Variants in KIF9 observed in about 807,000 individuals in gnomAD.
KIF9 encodes kinesin-like protein KIF9.
Under a neutral mutation model 94.8 loss-of-function variants are expected in KIF9, and 68 were observed. The observed-to-expected ratio is 0.72, with a 90% CI of 0.59 to 0.88. The LOEUF (loss-of-function observed/expected upper bound fraction) is 0.88. KIF9 is among the 40% of genes least tolerant of loss of function. KIF9 has a pLI of 0.00. For missense variants in KIF9, 882 were observed against 982.5 expected (o/e 0.90, Z 1.37); for synonymous variants, 343 against 362.1 (o/e 0.95, Z 0.60).
At position 47,241,861 on chromosome 3, in the gene KIF9, T is replaced by TATAC. The variant is rs199589606; in HGVS notation, c.1710-847_1710-846insGTAT. 7.7e-3 allele frequency among the ~76,000 whole-genome samples: 930 copies of TATAC among 120,086 alleles called. 8 individuals carry two copies. Among genetic ancestry groups the TATAC allele is most frequent in the East Asian group, 0.015 (60 of 4,134 alleles). The allele number at this position is 120,086 out of a possible 152,430, so 78.8% of individuals were successfully genotyped here. A position where few individuals can be genotyped will look rare whatever the true frequency, so the allele number is the denominator to read the frequency against. On this transcript the variant is annotated intron_variant, in intron 16 of 20. Transcript: ENST00000684063. ...TATATAAAATATATATATATATATATACACATATATATATATATATATATT... is the reference window on the plus strand; with the variant it reads ...TATATAAAATATATATATATATATATATACACACATATATATATATATATATATT...
chr3:47,270,290 G>C (rs1223977561), intron 5 of KIF9, among the ~76,000 whole-genome samples: 2 of 142,596 alleles, frequency 1.4e-5, no homozygotes, highest in Non-Finnish European at 3.1e-5. Flanking sequence ...TTTTGCTCTT[G>C]TTGCCCAGGT....
At chr3:47,255,663 T>C (rs369882853) in intron 10 of KIF9, among the ~76,000 whole-genome samples, 2 of 152,200 alleles carry the variant, frequency 1.3e-5, no homozygotes, top group East Asian at 3.8e-4. Flanking sequence ...TCTGCCAGTC[T>C]AGGGTAGAGC....
intron 9 of KIF9, among the ~76,000 whole-genome samples, chr3:47,258,900 C>T (rs926240757): frequency 2.0e-5 from 3 of 152,202 alleles, no homozygotes; most frequent in Admixed American, 1.3e-4. Flanking sequence ...GTGCATTTTA[C>T]ACTTGCATTA....
chr3:47,240,912 C>G lies in KIF9; in HGVS notation c.1813G>C (p.Glu605Gln). 3 of 1,614,184 alleles carry G rather than the reference C, an allele frequency of 1.9e-6. No individual in the cohort carries two copies. Among genetic ancestry groups the G allele is most frequent in the Non-Finnish European group, 1.7e-6 (2 of 1,180,040 alleles). Residue 605 changes from glutamate (E) to glutamine (Q), a missense_variant, in exon 17 of 21, where the codon GAA (glutamate) becomes CAA (glutamine). Glu to Gln is a conservative substitution (Grantham distance 29, BLOSUM62 2). Coordinates refer to ENST00000684063, the MANE Select transcript of KIF9 (RefSeq NM_182902.4). ...IFKENKSILN[E>Q]RRKRASETTQ... ...GTCTCGCTGGCCCTTTTCCTCCGTT[C>G]ATTCAAGATGGATTTGTTTTCTTTG... is the stretch of plus-strand genomic sequence containing the variant.
intron 2 of KIF9, among the ~76,000 whole-genome samples, chr3:47,275,952 T>C (rs1425215826): frequency 5.9e-5 from 9 of 152,192 alleles, no homozygotes; most frequent in African/African-American, 1.9e-4. Context: ...GGTGAACATC[T>C]ACTTCCACAC....
intron 12 of KIF9, 124 bp downstream of exon 12, chr3:47,247,249 C>G (rs1207726230): frequency 3.0e-6 from 2 of 659,846 alleles, no homozygotes; most frequent in Non-Finnish European, 5.6e-6. Context: ...GAGTCCAGCA[C>G]CACCCTCCAC....
intron 13 of KIF9, chr3:47,245,796 T>G (rs944783745): frequency 1.2e-5 from 6 of 511,566 alleles, no homozygotes; most frequent in Admixed American, 9.6e-5. Context: ...TGGGACCATG[T>G]GGGGTTCTGT....
intron 1 of KIF9, 78 bp downstream of exon 1, chr3:47,282,416 AC>A: frequency 3.0e-6 from 3 of 985,624 alleles, no homozygotes; most frequent in Non-Finnish European, 3.6e-6. Context: ...CGGTTTTTGG[AC>A]CCCAGCCACT....
In KIF9 at chr3:47,282,578, G is replaced by C. The variant is rs1702467413; in HGVS notation, c.-89C>G. ...TCCCCACGCGGGGCTGCCTGGCTGTGTACATAGTCGCCATGGCAACGGGTC... is the reference window on the plus strand; with the variant it reads ...TCCCCACGCGGGGCTGCCTGGCTGTCTACATAGTCGCCATGGCAACGGGTC... On this transcript the variant is annotated 5_prime_UTR_variant, in exon 1 of 21. The change creates a premature stop within an existing upstream ORF in the 5' untranslated region. Transcript: ENST00000684063. 2.8e-6 allele frequency: 3 copies of C among 1,082,232 alleles called. No homozygotes were observed. Among genetic ancestry groups the C allele is most frequent in the Non-Finnish European group, 3.4e-6 (3 of 886,396 alleles). 67.0% of individuals were successfully genotyped at this position (1,082,232 alleles called of 1,614,324 possible).
chr3:47,246,016 C>T, intron 13 of KIF9, 181 bp downstream of exon 13: 1 of 582,768 alleles, frequency 1.7e-6, no homozygotes, highest in Non-Finnish European at 3.1e-6. Flanking sequence ...CCATAAACAC[C>T]TCCTGTCCAA....
intron 3 of KIF9, among the ~76,000 whole-genome samples, chr3:47,274,389 A>G (rs1701833910): frequency 6.6e-6 from 1 of 152,206 alleles, no homozygotes; most frequent in African/African-American, 2.4e-5. Context: ...TCCCCTTAGC[A>G]TGGGCAGCCT....
At position 47,242,018 on chromosome 3, in the gene KIF9, G is replaced by A. The variant is rs146425730; in HGVS notation, c.1710-1003C>T. ...CATGCCTCAGCCTCCTGAGTAGCTC[G>A]GACTACAGGCATGTACTCCCATGCT... On this transcript the variant is annotated intron_variant, in intron 16 of 20. Transcript: ENST00000684063. 9.9e-3 allele frequency among the ~76,000 whole-genome samples: 1,494 copies of A among 151,104 alleles called. 28 individuals carry two copies. Among genetic ancestry groups the A allele is most frequent in the African/African-American group, 0.035 (1,440 of 41,086 alleles).
Position 47,240,844 on chromosome 3 carries a change from G to A in KIF9, c.1881C>T (p.Thr627=), listed in dbSNP as rs1699418915. 6.2e-7 allele frequency: 1 copy of A among 1,614,036 alleles called. No individual in the cohort carries two copies. The highest frequency in any genetic ancestry group is 8.5e-7 in the Non-Finnish European group (1 of 1,179,984). The part of the protein sequence containing the change: ...INAIKREIDV[T]KEALNFQKSL... ...ACTTCTGGAAATTCAGGGCCTCCTT[G>A]GTCACATCAATCTCCCGCTTGATGG... Residue 627 remains threonine (T), a synonymous_variant, in exon 17 of 21, where the codon ACC becomes ACT. Transcript: ENST00000684063.
intron 9 of KIF9, among the ~76,000 whole-genome samples, chr3:47,263,452 A>G (rs1576041961): frequency 1.3e-5 from 2 of 152,150 alleles, no homozygotes; most frequent in South Asian, 4.2e-4. Context: ...CTGCAGGAAA[A>G]CAGCCAAGGC....
rs897101354 is a variant in KIF9 at position 47,269,727 on chromosome 3, G to A, written c.591+1510C>T. Reference sequence around the variant, plus strand: ...AGCAATTCTCCTGCCTCAGCCCCCCGAGTAGCTGGGATTACAGGTGCCCAC... The same window carrying A: ...AGCAATTCTCCTGCCTCAGCCCCCCAAGTAGCTGGGATTACAGGTGCCCAC... On this transcript the variant is annotated intron_variant, in intron 5 of 20. Transcript: ENST00000684063. Among the ~76,000 whole-genome samples the A allele has an allele frequency of 2.7e-5, 4 of 149,196 alleles. No individual in the cohort carries two copies. In the South Asian group the frequency reaches 6.3e-4, roughly 24 times the overall value.
Position 47,282,697 on chromosome 3 carries a change from A to G in KIF9, c.-208T>C. 2 of 1,356,578 alleles carry G rather than the reference A, an allele frequency of 1.5e-6. No homozygotes were observed. Among genetic ancestry groups the G allele is most frequent in the Non-Finnish European group, 9.5e-7 (1 of 1,049,424 alleles). 84.0% of individuals were successfully genotyped at this position (1,356,578 alleles called of 1,614,324 possible). A position where few individuals can be genotyped will look rare whatever the true frequency, so the allele number is the denominator to read the frequency against. ...GTGAGGTCATGGCCGAATCGGGAAGACGAGAGATGGGGCCGATTGATCTAG... is the reference window on the plus strand; with the variant it reads ...GTGAGGTCATGGCCGAATCGGGAAGGCGAGAGATGGGGCCGATTGATCTAG... On this transcript the variant is annotated 5_prime_UTR_variant, in exon 1 of 21. Transcript: ENST00000684063.
intron 2 of KIF9, 103 bp from the exon 3 acceptor site, chr3:47,275,593 T>G (rs147921115): frequency 1.2e-6 from 1 of 845,472 alleles, no homozygotes; most frequent in Non-Finnish European, 1.9e-6. Context: ...ACAGAGGAAA[T>G]GAACTGTAGG....
chr3:47,243,893 C>T (rs1699748786), intron 15 of KIF9: 1 of 152,218 alleles, frequency 6.6e-6, no homozygotes, highest in Admixed American at 6.5e-5. Context: ...GAGTATGGCT[C>T]AGGGAACTGA....
At position 47,247,414 on chromosome 3, in the gene KIF9, G is replaced by A; in HGVS notation, c.1192C>T (p.Gln398Ter). The A allele has an allele frequency of 6.2e-7, 1 of 1,613,898 alleles. No homozygotes were observed. The highest frequency in any genetic ancestry group is 1.1e-5 in the South Asian group (1 of 91,074). Residue 398 changes from glutamine (Q) to a stop codon, truncating the protein, a stop_gained, in exon 12 of 21, where the codon CAG (glutamine) becomes TAG (stop). Transcript: ENST00000684063. LOFTEE classifies it high-confidence loss of function. The part of the protein sequence containing the change: ...DEIQIAEINS[Q>*]VRRYLEGTLD... ...GTCCCCTCCAGGTACCTCCGCACCT[G>A]GGAGTTGATCTCAGCAATCTGGATT...
Sources: gnomAD v4.1 joint callset for allele counts (sites outside exome capture counted in the v4.1 genomes callset) on GRCh38, gnomAD v4.1.1 for gene constraint, MANE v1.5 for transcripts, NCBI Gene and HGNC (gene_info 2026-07-23, HGNC 2026-07-21) for gene names.